The following NTM variants were observed in gnomAD, a reference collection of about 807,000 sequenced individuals.
NTM encodes neurotrimin, also known as IgLON family member 2.
Under a neutral mutation model 42.1 loss-of-function variants are expected in NTM, and 13 were observed. That is an observed-to-expected ratio of 0.31 (90% CI 0.20 to 0.49). The LOEUF (loss-of-function observed/expected upper bound fraction) is 0.49. NTM is among the 20% of genes least tolerant of loss of function. The pLI, the probability that NTM is intolerant of heterozygous loss-of-function variation, is 0.99. For missense variants in NTM, 373 were observed against 452.8 expected (o/e 0.82, Z 1.60); for synonymous variants, 187 against 179.2 (o/e 1.04, Z -0.35).
intron 4 of NTM, among the ~76,000 whole-genome samples, chr11:132,292,787 T>TAA (rs61603794): frequency 0.18 from 10,209 of 56,442 alleles, 973 homozygotes; most frequent in Non-Finnish European, 0.21. Flanking sequence ...GATGTAAAAG[T>TAA]AAAAAAAAAA....
intron 4 of NTM, among the ~76,000 whole-genome samples, chr11:132,283,322 A>C (rs1252844301): frequency 6.6e-6 from 1 of 152,114 alleles, no homozygotes; most frequent in African/African-American, 2.4e-5. Flanking sequence ...TAAAAGCTAA[A>C]CATCTGGCAA....
chr11:131,663,136 A>G (rs2068383504), intron 1 of NTM: 1 of 152,154 alleles, frequency 6.6e-6, no homozygotes, highest in Non-Finnish European at 1.5e-5. Context: ...GTGCTCACAC[A>G]CACATTCATA....
chr11:131,520,265 CTTT>C (rs374196821), intron 1 of NTM, among the ~76,000 whole-genome samples: 116 of 152,204 alleles, frequency 7.6e-4, no homozygotes, highest in African/African-American at 2.6e-3. Context: ...TATAAAGATT[CTTT>C]TAAGTCTACC....
intron 1 of NTM, among the ~76,000 whole-genome samples, chr11:131,664,755 T>G (rs1481221260): frequency 1.4e-4 from 1 of 7,148 alleles, no homozygotes; most frequent in Non-Finnish European, 4.6e-4. Context: ...CTTCCATTGT[T>G]TTTTTTTTTT....
intron 4 of NTM, among the ~76,000 whole-genome samples, chr11:132,240,094 C>T (rs2089939810): frequency 6.6e-6 from 1 of 152,008 alleles, no homozygotes; most frequent in Non-Finnish European, 1.5e-5. Flanking sequence ...TCCATCCATC[C>T]ACAAACATTT....
At chr11:131,416,314 T>C (rs1195002105) in intron 1 of NTM, among the ~76,000 whole-genome samples, 2 of 151,988 alleles carry the variant, frequency 1.3e-5, no homozygotes, top group African/African-American at 4.8e-5. Context: ...AACTAGAGGG[T>C]ACGAATGGTA....
At chr11:131,816,206 G>A (rs1205031071) in intron 1 of NTM, among the ~76,000 whole-genome samples, 1 of 152,186 alleles carries the variant, frequency 6.6e-6, no homozygotes, top group African/African-American at 2.4e-5. Flanking sequence ...AATCCATGGA[G>A]GGAAACCTCT....
chr11:132,080,190 G>GA (rs34851244), intron 2 of NTM, among the ~76,000 whole-genome samples: 5 of 151,248 alleles, frequency 3.3e-5, no homozygotes, highest in Non-Finnish European at 5.9e-5. Flanking sequence ...AAAGAATGCT[G>GA]AAAAAAAAAA....
At chr11:132,301,722 G>T (rs2094867129) in intron 4 of NTM, among the ~76,000 whole-genome samples, 3 of 152,156 alleles carry the variant, frequency 2.0e-5, no homozygotes, top group Admixed American at 2.0e-4. Flanking sequence ...GTGCAGGACT[G>T]GAATGTCACT....
intron 1 of NTM, among the ~76,000 whole-genome samples, chr11:131,647,243 A>G (rs1377868113): frequency 6.6e-6 from 1 of 152,222 alleles, no homozygotes; most frequent in Non-Finnish European, 1.5e-5. Flanking sequence ...GGAAAATATG[A>G]ACCCTGAGCA....
At chr11:132,038,023 C>T (rs1174673328) in intron 2 of NTM, among the ~76,000 whole-genome samples, 2 of 152,154 alleles carry the variant, frequency 1.3e-5, no homozygotes, top group African/African-American at 2.4e-5. Flanking sequence ...AATATTAGAC[C>T]GTGCATGTGT....
intron 1 of NTM, among the ~76,000 whole-genome samples, chr11:131,646,279 G>A (rs1013530642): frequency 2.6e-5 from 4 of 152,180 alleles, no homozygotes; most frequent in Non-Finnish European, 5.9e-5. Flanking sequence ...TTGAATCAGA[G>A]AATAGAGGGC....
At chr11:132,150,485 T>A (rs2071634368) in intron 3 of NTM, among the ~76,000 whole-genome samples, 1 of 152,218 alleles carries the variant, frequency 6.6e-6, no homozygotes, top group South Asian at 2.1e-4. Context: ...CAGCAGGTGT[T>A]AAAGCTAGAA....
At chr11:131,926,636 A>G (rs770433784) in intron 2 of NTM, among the ~76,000 whole-genome samples, 1 of 152,204 alleles carries the variant, frequency 6.6e-6, no homozygotes, top group African/African-American at 2.4e-5. Context: ...GCTGTGAATG[A>G]TGATAGGAGC....
At chr11:131,865,074 G>A (rs1288033787) in intron 1 of NTM, among the ~76,000 whole-genome samples, 2 of 152,186 alleles carry the variant, frequency 1.3e-5, no homozygotes, top group Non-Finnish European at 2.9e-5. Context: ...TGTTAGATGA[G>A]CACATGCTTC....
At chr11:132,057,336 G>T (rs1435845881) in intron 2 of NTM, among the ~76,000 whole-genome samples, 15 of 151,894 alleles carry the variant, frequency 9.9e-5, no homozygotes, top group Non-Finnish European at 1.2e-4. Context: ...TCACTCTCAG[G>T]CATGTTTTAG....
intron 1 of NTM, among the ~76,000 whole-genome samples, chr11:131,382,636 C>T (rs1448190543): frequency 6.6e-6 from 1 of 152,102 alleles, no homozygotes; most frequent in African/African-American, 2.4e-5. Flanking sequence ...GTGTATGATC[C>T]ACTTTCTAAG....
At chr11:131,516,169 C>A (rs961875437) in intron 1 of NTM, among the ~76,000 whole-genome samples, 4 of 152,178 alleles carry the variant, frequency 2.6e-5, no homozygotes, top group Non-Finnish European at 5.9e-5. Context: ...CTTTTAATTT[C>A]TCAAAGTGCT....
intron 1 of NTM, chr11:131,573,668 G>A (rs774757832): frequency 7.2e-5 from 11 of 152,160 alleles, no homozygotes; most frequent in South Asian, 6.2e-4. Flanking sequence ...GATTATTTTC[G>A]TTAACAAGTG....
Sources: allele counts gnomAD v4.1 joint callset (sites outside exome capture counted in the v4.1 genomes callset), GRCh38; gene constraint gnomAD v4.1.1; transcripts MANE v1.5; gene names NCBI Gene and HGNC (gene_info 2026-07-23, HGNC 2026-07-21).